The following C2orf42 variants were observed in gnomAD, a reference collection of about 807,000 sequenced individuals.
C2orf42 encodes the protein chromosome 2 open reading frame 42.
C2orf42 carries 44 observed loss-of-function variants against 58.9 expected under a neutral mutation model. The ratio of observed to expected loss-of-function variants is 0.75; its 90% CI spans 0.59 to 0.96. C2orf42 has a LOEUF of 0.96. C2orf42 is among the 40% of genes least tolerant of loss of function. The pLI, the probability that C2orf42 is intolerant of heterozygous loss-of-function variation, is 0.00. For missense variants in C2orf42, 630 were observed against 699.2 expected (o/e 0.90, Z 1.12); for synonymous variants, 239 against 265.4 (o/e 0.90, Z 0.97).
intron 8 of C2orf42, among the ~76,000 whole-genome samples, chr2:70,163,706 C>T (rs1027389565): frequency 2.0e-5 from 3 of 151,338 alleles, no homozygotes; most frequent in Admixed American, 1.3e-4. Flanking sequence ...AAAAATTAGC[C>T]AGGCATGATG....
intron 1 of C2orf42, among the ~76,000 whole-genome samples, chr2:70,189,607 C>T (rs1439238106): frequency 4.0e-5 from 6 of 150,632 alleles, no homozygotes; most frequent in Non-Finnish European, 2.9e-5. Flanking sequence ...GTCCCAGCTA[C>T]TAGGGAGGCT....
intron 6 of C2orf42, among the ~76,000 whole-genome samples, chr2:70,165,847 AAC>A (rs1415086267): frequency 6.6e-6 from 1 of 152,116 alleles, no homozygotes; most frequent in African/African-American, 2.4e-5. Flanking sequence ...AAACATAAAA[AAC>A]ACAGTGTAGC....
chr2:70,189,963 A>C (rs1256894764), intron 1 of C2orf42, among the ~76,000 whole-genome samples: 3 of 152,034 alleles, frequency 2.0e-5, no homozygotes, highest in Non-Finnish European at 4.4e-5. Flanking sequence ...AAGACGAGAG[A>C]TACACATATG....
intron 3 of C2orf42, 100 bp downstream of exon 3, chr2:70,181,063 G>A (rs181383847): frequency 5.7e-5 from 28 of 489,392 alleles, no homozygotes; most frequent in Admixed American, 4.8e-4. Context: ...TCTAGCAACT[G>A]TTTCTGAAGG....
At chr2:70,151,709 T>C (rs963789169) in intron 9 of C2orf42, among the ~76,000 whole-genome samples, 6 of 152,162 alleles carry the variant, frequency 3.9e-5, no homozygotes, top group Non-Finnish European at 8.8e-5. Flanking sequence ...ATTATAAAAA[T>C]TAACAATGTA....
intron 4 of C2orf42, 73 bp from the exon 5 acceptor site, chr2:70,175,850 GTC>G: frequency 1.1e-6 from 1 of 945,104 alleles, no homozygotes; most frequent in Non-Finnish European, 1.7e-6. Context: ...AATTTTTAGA[GTC>G]TAAAACATAT....
At chr2:70,164,631 C>A (rs1197958854) in intron 8 of C2orf42, among the ~76,000 whole-genome samples, 1 of 151,498 alleles carries the variant, frequency 6.6e-6, no homozygotes, top group Non-Finnish European at 1.5e-5. Flanking sequence ...GACTCCATCC[C>A]AAAAATAAAA....
intron 9 of C2orf42, among the ~76,000 whole-genome samples, chr2:70,151,629 G>A (rs1360353412): frequency 3.3e-5 from 5 of 151,590 alleles, no homozygotes; most frequent in East Asian, 1.9e-4. Flanking sequence ...GTGAGACTCC[G>A]CCTCAAAAAA....
chr2:70,164,364 G>A (rs576026994), intron 8 of C2orf42, among the ~76,000 whole-genome samples: 45 of 151,526 alleles, frequency 3.0e-4, no homozygotes, highest in Admixed American at 5.3e-4. Context: ...GTCATTTCTC[G>A]GGCAGGCACA....
At chr2:70,165,381 G>C (rs2104886206) in intron 7 of C2orf42, 147 bp downstream of exon 7, 1 of 634,134 alleles carries the variant, frequency 1.6e-6, no homozygotes, top group African/African-American at 1.8e-5. Flanking sequence ...TAATTGATAT[G>C]CTGATCATTG....
intron 5 of C2orf42, among the ~76,000 whole-genome samples, chr2:70,175,093 G>A (rs1674097934): frequency 1.3e-5 from 2 of 151,768 alleles, no homozygotes; most frequent in South Asian, 2.1e-4. Flanking sequence ...CATCACCCAG[G>A]TATTTTTAAA....
At chr2:70,186,299 C>T (rs1485110199) in intron 1 of C2orf42, among the ~76,000 whole-genome samples, 6 of 151,168 alleles carry the variant, frequency 4.0e-5, no homozygotes, top group Non-Finnish European at 8.8e-5. Flanking sequence ...CATATATATA[C>T]GTATATGTAT....
At chr2:70,171,310 G>A (rs1412060806) in intron 5 of C2orf42, among the ~76,000 whole-genome samples, 2 of 151,934 alleles carry the variant, frequency 1.3e-5, no homozygotes, top group East Asian at 1.9e-4. Context: ...TAAAAATAAT[G>A]GCTGTTTTAG....
At chr2:70,182,142 C>A in intron 2 of C2orf42, 145 bp from the exon 3 acceptor site, 1 of 580,190 alleles carries the variant, frequency 1.7e-6, no homozygotes, top group Non-Finnish European at 3.0e-6. Flanking sequence ...CTCTGTCGCC[C>A]AGGCTGGAGT....
intron 6 of C2orf42, among the ~76,000 whole-genome samples, chr2:70,168,490 G>C (rs1056617464): frequency 6.6e-6 from 1 of 150,704 alleles, no homozygotes; most frequent in Admixed American, 6.6e-5. Flanking sequence ...GGGTTTCACT[G>C]TGTTAGCCAG....
chr2:70,169,250 CACA>C (rs1673627713), intron 6 of C2orf42, among the ~76,000 whole-genome samples: 6 of 70,882 alleles, frequency 8.5e-5, no homozygotes, highest in East Asian at 4.1e-4. Context: ...TCCCTCACCA[CACA>C]CACACACACA....
At chr2:70,175,990 A>G (rs1444281090) in intron 4 of C2orf42, among the ~76,000 whole-genome samples, 1 of 152,168 alleles carries the variant, frequency 6.6e-6, no homozygotes, top group East Asian at 1.9e-4. Flanking sequence ...AAATGAAAGG[A>G]AGAAAAAAAT....
rs755981442 is a variant in C2orf42, at chr2:70,160,768, C to T, written c.1373G>A (p.Arg458His). 3.4e-5 allele frequency: 54 copies of T among 1,597,354 alleles called. No homozygotes were observed. The highest frequency in any genetic ancestry group is 9.1e-5 in the East Asian group (4 of 44,146). ...CCCATCTCGGTTCTGGATAAAGCTA[C>T]GGGTGATTTCCAAGGGCATCTGGAC... The part of the protein sequence containing the change: ...DTPEMPLEIT[R>H]SFIQNRDGTY... Residue 458 changes from arginine to histidine, a missense_variant, in exon 9 of 10, where the codon CGT (arginine) becomes CAT (histidine). Physicochemically the swap from Arg to His is conservative, Grantham distance 29. Coordinates refer to ENST00000264434, the MANE Select transcript of C2orf42 (RefSeq NM_017880.3).
chr2:70,169,253 A>C lies in C2orf42; in HGVS notation c.1144+304T>G, dbSNP rs997595094. ...AGCTTCAGTATCTCCCTCACCACAC[A>C]CACACACACACACACACACACACAC... On this transcript the variant is annotated intron_variant, in intron 6 of 9. Transcript: ENST00000264434. Among the ~76,000 whole-genome samples the C allele has an allele frequency of 3.7e-5, 5 of 135,840 alleles. No homozygotes were observed. The South Asian group carries it at 6.4e-4, about 17-fold the overall frequency. 89.1% of individuals were successfully genotyped at this position (135,840 alleles called of 152,430 possible).
Sources: gnomAD v4.1 joint callset for allele counts (sites outside exome capture counted in the v4.1 genomes callset) on GRCh38, gnomAD v4.1.1 for gene constraint, MANE v1.5 for transcripts, NCBI Gene and HGNC (gene_info 2026-07-23, HGNC 2026-07-21) for gene names.